AP4E1: variants seen among roughly 807,000 people sequenced by gnomAD.
The protein encoded by AP4E1 is adaptor related protein complex 4 subunit epsilon 1.
Under a neutral mutation model 128.2 loss-of-function variants are expected in AP4E1, and 56 were observed. The observed-to-expected ratio is 0.44, with a 90% CI of 0.35 to 0.55. The LOEUF (loss-of-function observed/expected upper bound fraction) is 0.55, where lower values mean the gene tolerates loss of function less well. AP4E1 is among the 20% of genes least tolerant of loss of function. The pLI is 0.00. For missense variants in AP4E1, 1,324 were observed against 1,307.7 expected (o/e 1.01, Z -0.19); for synonymous variants, 484 against 473.1 (o/e 1.02, Z -0.30).
chr15:50,987,658 A>G (rs967592766), intron 16 of AP4E1, among the ~76,000 whole-genome samples: 2 of 152,128 alleles, frequency 1.3e-5, no homozygotes, highest in Non-Finnish European at 1.5e-5. Flanking sequence ...TTGCACTGTG[A>G]TCTGAGAGAC....
At chr15:50,929,260 T>G in intron 6 of AP4E1, 92 bp downstream of exon 6, 1 of 1,352,548 alleles carries the variant, frequency 7.4e-7, no homozygotes, top group Non-Finnish European at 1.0e-6. Flanking sequence ...GGTAAAATGC[T>G]TAGTTAACAT....
intron 20 of AP4E1, 28 bp from the exon 21 acceptor site, chr15:51,002,474 A>G: frequency 1.2e-6 from 2 of 1,613,258 alleles, no homozygotes; most frequent in African/African-American, 2.7e-5. Flanking sequence ...TTTGCATTAA[A>G]TCATTTTTCA....
In AP4E1 at chr15:50,911,219, G is replaced by T. The variant is rs79038283; in HGVS notation, c.151-859G>T. Among the ~76,000 whole-genome samples, 20 of 152,242 alleles carry T rather than the reference G, an allele frequency of 1.3e-4. No homozygotes were observed. In the East Asian group the frequency reaches 3.5e-3, roughly 26 times the overall value. Reference sequence around the variant, plus strand: ...TGGGGCCAATTTTTTAAGTGCTTAGGGAGATAACATACAATGCAGACAGTA... The same window carrying T: ...TGGGGCCAATTTTTTAAGTGCTTAGTGAGATAACATACAATGCAGACAGTA... On this transcript the variant is annotated intron_variant, in intron 1 of 20. Coordinates refer to ENST00000261842, the MANE Select transcript of AP4E1 (RefSeq NM_007347.5).
At position 50,915,446 on chromosome 15, in the gene AP4E1, A is replaced by G; in HGVS notation, c.223-2A>G. The G allele has an allele frequency of 6.2e-7, 1 of 1,612,632 alleles. No homozygotes were observed. Among genetic ancestry groups the G allele is most frequent in the East Asian group, 2.2e-5 (1 of 44,708 alleles). On this transcript the variant is annotated splice_acceptor_variant, in intron 2 of 20. Coordinates refer to ENST00000261842, the MANE Select transcript of AP4E1 (RefSeq NM_007347.5). LOFTEE classifies it high-confidence loss of function. ...ACAGCTACTGGATATTTTGCTTTTC[A>G]GAAAATGATGAAGGAATGTATGGTG...
At chr15:50,972,611 T>A (rs1342542460) in intron 15 of AP4E1, among the ~76,000 whole-genome samples, 1 of 152,146 alleles carries the variant, frequency 6.6e-6, no homozygotes, top group African/African-American at 2.4e-5. Context: ...TCACCAAGGG[T>A]GGGTTTCCCA....
rs2140935330 is a variant in AP4E1 at position 50,997,880 on chromosome 15, C to A, written c.2901C>A (p.Phe967Leu). The change falls in exon 18 of 21, where the codon TTC (phenylalanine) becomes TTA (leucine). Residue 967 changes from phenylalanine to leucine, a missense_variant. Phe to Leu is a conservative substitution (Grantham distance 22, BLOSUM62 0). Coordinates refer to ENST00000261842, the MANE Select transcript of AP4E1 (RefSeq NM_007347.5). ...TAGAAATTTTTCCTGCAGAAAATTT[C>A]AAGGTAAAATTTAAAGGTATTATTG... is the stretch of plus-strand genomic sequence containing the variant. ...ADLEIFPAEN[F>L]KVTEQPGCCL... The A allele has an allele frequency of 1.9e-6, 3 of 1,596,152 alleles. No homozygotes were observed. Among genetic ancestry groups the A allele is most frequent in the Non-Finnish European group, 2.6e-6 (3 of 1,169,892 alleles).
intron 17 of AP4E1, among the ~76,000 whole-genome samples, chr15:50,996,342 T>C (rs2064874282): frequency 6.6e-6 from 1 of 151,928 alleles, no homozygotes; most frequent in African/African-American, 2.4e-5. Context: ...TGAAAATAAC[T>C]ACTATTTGAT....
At chr15:50,912,290 A>G (rs2063575211) in intron 2 of AP4E1, 141 bp downstream of exon 2, 2 of 830,820 alleles carry the variant, frequency 2.4e-6, no homozygotes, top group South Asian at 1.4e-5. Flanking sequence ...AGCAACTCAG[A>G]TGTTAACTTT....
intron 15 of AP4E1, 23 bp downstream of exon 15, chr15:50,968,400 T>A (rs756726499): frequency 7.9e-6 from 12 of 1,527,014 alleles, no homozygotes; most frequent in Non-Finnish European, 9.9e-6. Flanking sequence ...GGATTTATGA[T>A]AAGCTAGAGT....
chr15:50,913,242 A>G (rs2063585609), intron 2 of AP4E1, among the ~76,000 whole-genome samples: 1 of 152,222 alleles, frequency 6.6e-6, no homozygotes, highest in Non-Finnish European at 1.5e-5. Flanking sequence ...ATATATGTAT[A>G]TGTATGTTTG....
chr15:50,948,178 C>A lies in AP4E1; in HGVS notation c.1316+19C>A. 2 of 1,613,230 alleles carry A rather than the reference C, an allele frequency of 1.2e-6. No homozygotes were observed. The highest frequency in any genetic ancestry group is 1.7e-6 in the Non-Finnish European group (2 of 1,179,700). On this transcript the variant is annotated intron_variant, in intron 11 of 20. Transcript: ENST00000261842. ...CTGAGAAATATCCTTTTATTTCGAC[C>A]ATGAGTCTTAAAATAGTTAGTTATG...
At chr15:50,941,052 A>G (rs1356815203) in intron 8 of AP4E1, among the ~76,000 whole-genome samples, 1 of 152,172 alleles carries the variant, frequency 6.6e-6, no homozygotes, top group African/African-American at 2.4e-5. Flanking sequence ...ATCTTTTTAT[A>G]TAGGAATAAT....
chr15:50,932,675 T>G (rs1342221451), intron 7 of AP4E1, among the ~76,000 whole-genome samples: 5 of 152,200 alleles, frequency 3.3e-5, no homozygotes, highest in Admixed American at 3.3e-4. Context: ...TTCTCCAGGC[T>G]TTTGCTTCTA....
In AP4E1 at chr15:50,928,438, C is replaced by A. The variant is rs779545052; in HGVS notation, c.543-571C>A. Among the ~76,000 whole-genome samples, 15 of 152,206 alleles carry A rather than the reference C, an allele frequency of 9.9e-5. No homozygotes were observed. The East Asian group carries it at 2.3e-3, about 24-fold the overall frequency. ...AAGTAACTGGAACTACAGGTGTGCA[C>A]CACCACACCTGGCTAATTTTTGTAT... On this transcript the variant is annotated intron_variant, in intron 5 of 20. Coordinates refer to ENST00000261842, the MANE Select transcript of AP4E1 (RefSeq NM_007347.5).
At chr15:50,996,596 G>A (rs544530787) in intron 17 of AP4E1, among the ~76,000 whole-genome samples, 3 of 152,192 alleles carry the variant, frequency 2.0e-5, no homozygotes, top group South Asian at 2.1e-4. Context: ...AAAGCCCCCC[G>A]GGGGAGTGGA....
intron 16 of AP4E1, among the ~76,000 whole-genome samples, chr15:50,990,033 T>C (rs2064782527): frequency 6.6e-6 from 1 of 152,136 alleles, no homozygotes; most frequent in Admixed American, 6.5e-5. Context: ...TTATAATTTC[T>C]TAACTGGCAG....
At chr15:50,939,451 T>G (rs2063953621) in intron 8 of AP4E1, among the ~76,000 whole-genome samples, 1 of 152,034 alleles carries the variant, frequency 6.6e-6, no homozygotes, top group Non-Finnish European at 1.5e-5. Context: ...AATTCTCAGT[T>G]GTATTTTACT....
At chr15:50,914,592 G>A (rs2063605669) in intron 2 of AP4E1, among the ~76,000 whole-genome samples, 1 of 148,688 alleles carries the variant, frequency 6.7e-6, no homozygotes, top group Non-Finnish European at 1.5e-5. Context: ...TGGAGGCTGC[G>A]ATGAGCCAAG....
Position 50,984,237 on chromosome 15 carries a change from A to G in AP4E1, c.2090+92A>G, listed in dbSNP as rs868286450. ...CCTTCTGCTCCTGCCTCATATCATC[A>G]TGGTCATTATTTGCTTATTTTAGGA... On this transcript the variant is annotated intron_variant, in intron 16 of 20. Transcript: ENST00000261842. 3.8e-5 allele frequency: 55 copies of G among 1,431,538 alleles called. No homozygotes were observed. In the Admixed American group the frequency reaches 5.0e-4, roughly 13 times the overall value. 88.7% of individuals were successfully genotyped at this position (1,431,538 alleles called of 1,614,324 possible).
Sources: gnomAD v4.1 joint callset for allele counts (sites outside exome capture counted in the v4.1 genomes callset) on GRCh38, gnomAD v4.1.1 for gene constraint, MANE v1.5 for transcripts, NCBI Gene and HGNC (gene_info 2026-07-23, HGNC 2026-07-21) for gene names.